The following TRAPPC2 variants were observed in gnomAD, a reference collection of about 807,000 sequenced individuals.
TRAPPC2 encodes the protein trafficking protein particle complex subunit 2, also known as sedlin.
A neutral mutation model predicts 10.0 loss-of-function variants in TRAPPC2; 4 were observed. That is an observed-to-expected ratio of 0.40 (90% CI 0.20 to 0.92). TRAPPC2 has a LOEUF of 0.92. TRAPPC2 is among the 40% of genes least tolerant of loss of function. The pLI is 0.35. For synonymous variants in TRAPPC2, 36 were observed against 37.3 expected, an observed-to-expected ratio of 0.97 and a Z score of 0.12; for missense variants, 52 against 108.7, an observed-to-expected ratio of 0.48 and a Z score of 2.32.
intron 2 of TRAPPC2, among the ~76,000 whole-genome samples, chrX:13,730,766 A>C (rs2046658137): frequency 9.0e-6 from 1 of 111,149 alleles, no homozygotes; most frequent in Admixed American, 9.6e-5. Context: ...TGTCCTTTGT[A>C]GGGACATGGA....
Position 13,721,640 on chromosome X carries a change from T to C in TRAPPC2, c.-19-1658A>G, listed in dbSNP as rs773344457. On this transcript the variant is annotated intron_variant, in intron 2 of 5. Transcript: ENST00000380579. ...AAGAAATCTGATATGTACTTGCTAATGAATGACACATTTTATAAAGGAAAT... is the reference window on the plus strand; with the variant it reads ...AAGAAATCTGATATGTACTTGCTAACGAATGACACATTTTATAAAGGAAAT... The C allele has an allele frequency of 3.6e-5, 4 of 111,908 alleles. No individual in the cohort carries two copies. In the East Asian group the frequency reaches 8.4e-4, roughly 23 times the overall value. 9.2% of individuals were successfully genotyped at this position (111,908 alleles called of 1,213,427 possible).
At chrX:13,729,003 A>T (rs745651274) in intron 2 of TRAPPC2, among the ~76,000 whole-genome samples, 3 of 112,045 alleles carry the variant, frequency 2.7e-5, no homozygotes, top group African/African-American at 9.7e-5. Flanking sequence ...CACAATTGCT[A>T]CAAAGAGAAT....
At chrX:13,730,875 C>G (rs12007050) in intron 2 of TRAPPC2, among the ~76,000 whole-genome samples, 4,232 of 92,879 alleles carry the variant, frequency 0.046, 239 homozygotes, top group African/African-American at 0.15. Context: ...AATGAGATCA[C>G]TTGGACACAG....
chrX:13,712,535 A>T lies in TRAPPC2; in HGVS notation c.*1872T>A, dbSNP rs1371013050. 1 of 112,490 alleles carries T rather than the reference A, an allele frequency of 8.9e-6. No homozygotes were observed. The allele number at this position is 112,490 out of a possible 1,213,427, so 9.3% of individuals were successfully genotyped here. On this transcript the variant is annotated 3_prime_UTR_variant, in exon 6 of 6. Transcript: ENST00000380579. ...ATGTAATCCAAGCTTTTCTTTGACA[A>T]CAATACTAAAAATTGCCTTACAATT...
intron 2 of TRAPPC2, 147 bp downstream of exon 2, chrX:13,733,897 C>T (rs2046741669): frequency 4.8e-6 from 2 of 418,198 alleles, no homozygotes; most frequent in African/African-American, 4.9e-5. Context: ...CCATCTTCAA[C>T]CACCTCCCCT....
intron 2 of TRAPPC2, among the ~76,000 whole-genome samples, chrX:13,725,180 A>C (rs1471360235): frequency 8.8e-6 from 1 of 113,254 alleles, no homozygotes; most frequent in Non-Finnish European, 1.9e-5. Flanking sequence ...GCTTAGCTGA[A>C]CAAAAGGCAG....
At position 13,716,039 on chromosome X, in the gene TRAPPC2, T is replaced by C; in HGVS notation, c.289A>G (p.Asn97Asp). The C allele has an allele frequency of 8.4e-7, 1 of 1,193,800 alleles. No homozygotes were observed. The highest frequency in any genetic ancestry group is 1.1e-6 in the Non-Finnish European group (1 of 882,971). Residue 97 changes from asparagine to aspartate, a missense_variant, in exon 5 of 6, where the codon AAC (asparagine) becomes GAC (aspartate). Transcript: ENST00000380579. ...HDIRQEDGIK[N>D]FFTDVYDLYI... ...AAATCATAAACATCAGTAAAGAAGT[T>C]CTTTATTCCATCTTCTTGTCTTATG...
intron 2 of TRAPPC2, 83 bp from the exon 3 acceptor site, chrX:13,720,065 T>A: frequency 2.9e-6 from 2 of 695,873 alleles, no homozygotes. Context: ...AGAATTCTTT[T>A]TTAAATTTAA....
intron 3 of TRAPPC2, among the ~76,000 whole-genome samples, chrX:13,718,201 C>T (rs1280866720): frequency 1.8e-5 from 2 of 113,258 alleles, no homozygotes; most frequent in Middle Eastern, 4.6e-3. Flanking sequence ...GAAACTGAGA[C>T]GGCTTCCTTG....
At chrX:13,716,960 T>A (rs1003766985) in intron 3 of TRAPPC2, among the ~76,000 whole-genome samples, 2 of 104,065 alleles carry the variant, frequency 1.9e-5, no homozygotes, top group African/African-American at 7.1e-5. Context: ...TTCATATAAA[T>A]TTTTTTTCAT....
chrX:13,728,272 C>T (rs1490229339), intron 2 of TRAPPC2, among the ~76,000 whole-genome samples: 1 of 111,767 alleles, frequency 8.9e-6, no homozygotes, highest in Non-Finnish European at 1.9e-5. Flanking sequence ...CATCCTGATA[C>T]CAAAGCCTAG....
intron 2 of TRAPPC2, among the ~76,000 whole-genome samples, chrX:13,728,368 C>T (rs1398101994): frequency 5.4e-5 from 6 of 111,691 alleles, no homozygotes; most frequent in African/African-American, 9.8e-5. Flanking sequence ...ACTGGCAAAC[C>T]GAATCCAGTA....
intron 2 of TRAPPC2, among the ~76,000 whole-genome samples, chrX:13,723,421 G>A (rs1298963853): frequency 2.7e-5 from 3 of 111,239 alleles, no homozygotes; most frequent in Non-Finnish European, 5.7e-5. Flanking sequence ...GCCCACCTTG[G>A]CCTCCCAAAG....
At position 13,729,070 on chromosome X, in the gene TRAPPC2, A is replaced by G. The variant is rs1403361423; in HGVS notation, c.-20+4974T>C. On this transcript the variant is annotated intron_variant, in intron 2 of 5. Transcript: ENST00000380579. ...GTGAAGGACCTCTTCAAGGAGAACT[A>G]CAAACCACTGCTCAGTGAAATAAAA... Among the ~76,000 whole-genome samples the G allele has an allele frequency of 5.4e-5, 6 of 111,836 alleles. No individual in the cohort carries two copies. The East Asian group carries it at 1.7e-3, about 31-fold the overall frequency.
intron 1 of TRAPPC2, among the ~76,000 whole-genome samples, 163 bp downstream of exon 1, chrX:13,734,362 T>G (rs746663833): frequency 4.1e-4 from 44 of 107,520 alleles, no homozygotes; most frequent in Non-Finnish European, 6.0e-4. Context: ...CGTCTGCAGG[T>G]GGAAGGGCTG....
chrX:13,733,206 C>A (rs1013319203), intron 2 of TRAPPC2, among the ~76,000 whole-genome samples: 1 of 110,662 alleles, frequency 9.0e-6, no homozygotes, highest in Middle Eastern at 4.6e-3. Context: ...ATATCAACAT[C>A]TTTTTAGAAC....
chrX:13,717,034 T>TAAAAAAAAAAAAAAAA (rs1175025577), intron 3 of TRAPPC2, among the ~76,000 whole-genome samples: 1 of 37,936 alleles, frequency 2.6e-5, no homozygotes, highest in Non-Finnish European at 4.3e-5. Context: ...GATACTATGT[T>TAAAAAAAAAAAAAAAA]AAAAAAAAAA....
chrX:13,721,527 A>T (rs999018721), intron 2 of TRAPPC2: 4 of 112,224 alleles, frequency 3.6e-5, no homozygotes, highest in African/African-American at 1.3e-4. Flanking sequence ...GTCTCCTAGA[A>T]CATACATCTG....
intron 2 of TRAPPC2, chrX:13,722,022 A>G (rs1049904165): frequency 3.7e-5 from 4 of 109,448 alleles, no homozygotes; most frequent in African/African-American, 1.3e-4. Flanking sequence ...GACGAGCTGG[A>G]ATGATAAAAA....
Sources: gnomAD v4.1 joint callset for allele counts (sites outside exome capture counted in the v4.1 genomes callset) on GRCh38, gnomAD v4.1.1 for gene constraint, MANE v1.5 for transcripts, NCBI Gene and HGNC (gene_info 2026-07-23, HGNC 2026-07-21) for gene names.